FASTKD2: variants seen among roughly 807,000 people sequenced by gnomAD.
The protein encoded by FASTKD2 is FAST kinase domains 2.
FASTKD2 carries 51 observed loss-of-function variants against 63.6 expected under a neutral mutation model. The observed-to-expected ratio is 0.80, with a 90% CI of 0.64 to 1.01. The LOEUF is 1.01. FASTKD2 is among the 50% of genes least tolerant of loss of function. The pLI, the probability that FASTKD2 is intolerant of heterozygous loss-of-function variation, is 0.00. For synonymous variants in FASTKD2, 284 were observed against 293.4 expected, an observed-to-expected ratio of 0.97 and a Z score of 0.33; for missense variants, 786 against 831.1, an observed-to-expected ratio of 0.95 and a Z score of 0.67.
At position 206,774,261 on chromosome 2, in the gene FASTKD2, T is replaced by C; in HGVS notation, c.1291T>C (p.Phe431Leu). The C allele has an allele frequency of 6.2e-7, 1 of 1,612,104 alleles. No homozygotes were observed. The highest frequency in any genetic ancestry group is 8.5e-7 in the Non-Finnish European group (1 of 1,178,700). Reference sequence around the variant, plus strand: ...CCTCATTTTATTTGAAAACCTTGGCTTTCGACCTGTTGGTTTAATGGACCT... The same window carrying C: ...CCTCATTTTATTTGAAAACCTTGGCCTTCGACCTGTTGGTTTAATGGACCT... ...FILILFENLGFRPVGLMDLFM... is the reference protein window; with the variant it reads ...FILILFENLGLRPVGLMDLFM... Residue 431 changes from phenylalanine to leucine, a missense_variant, in exon 7 of 12, where the codon TTT becomes CTT. Coordinates refer to ENST00000402774, the MANE Select transcript of FASTKD2 (RefSeq NM_001136193.2).
chr2:206,766,734 A>G lies in FASTKD2; in HGVS notation c.41A>G (p.Glu14Gly). 1 of 1,614,080 alleles carries G rather than the reference A, an allele frequency of 6.2e-7. No individual in the cohort carries two copies. Among genetic ancestry groups the G allele is most frequent in the South Asian group, 1.1e-5 (1 of 91,064 alleles). The change falls in exon 2 of 12, where the codon GAG becomes GGG. Residue 14 changes from glutamate (E) to glycine (G), a missense_variant. Physicochemically the swap from Glu to Gly is moderately conservative, Grantham distance 98. Transcript: ENST00000402774. ...AAGCCATTTGGAAGTGTTTCAGTGG[A>G]GAGCAAAATGAATAACAAAGCGGGC... The part of the protein sequence containing the change: ...TLKPFGSVSV[E>G]SKMNNKAGSF...
chr2:206,784,360 A>G (rs1470312005), intron 7 of FASTKD2, among the ~76,000 whole-genome samples: 2 of 152,222 alleles, frequency 1.3e-5, no homozygotes, highest in Non-Finnish European at 2.9e-5. Flanking sequence ...GTATTTGGGA[A>G]GAGAGTTGAC....
intron 7 of FASTKD2, among the ~76,000 whole-genome samples, chr2:206,781,302 T>C (rs1022685852): frequency 2.3e-5 from 3 of 132,872 alleles, no homozygotes; most frequent in African/African-American, 8.5e-5. Flanking sequence ...ACTTTTTCTA[T>C]GATTTTTTTT....
At position 206,788,051 on chromosome 2, in the gene FASTKD2, C is replaced by T. The variant is rs769769914; in HGVS notation, c.1709C>T (p.Pro570Leu). Residue 570 changes from proline (P) to leucine (L), a missense_variant, in exon 9 of 12, where the codon CCA becomes CTA. By Grantham distance (98) the Pro-to-Leu change is moderately conservative. Coordinates refer to ENST00000402774, the MANE Select transcript of FASTKD2 (RefSeq NM_001136193.2). ...LSLPQLPREL[P>L]SSHTNAKVAE... Reference sequence around the variant, plus strand: ...CTCCCACAGCTGCCGCGGGAGCTGCCATCGTCACATACAAATGCAAAGGTG... The same window carrying T: ...CTCCCACAGCTGCCGCGGGAGCTGCTATCGTCACATACAAATGCAAAGGTG... 6.2e-7 allele frequency: 1 copy of T among 1,613,486 alleles called. No homozygotes were observed. The highest frequency in any genetic ancestry group is 1.1e-5 in the South Asian group (1 of 91,062).
intron 7 of FASTKD2, among the ~76,000 whole-genome samples, chr2:206,781,304 A>ATTTTTT: frequency 1.3e-5 from 1 of 75,938 alleles, no homozygotes; most frequent in Non-Finnish European, 2.6e-5. Context: ...TTTTTCTATG[A>ATTTTTT]TTTTTTTTTT....
intron 7 of FASTKD2, among the ~76,000 whole-genome samples, chr2:206,778,664 A>G (rs1349055133): frequency 2.0e-5 from 3 of 151,736 alleles, no homozygotes; most frequent in Admixed American, 6.6e-5. Context: ...TATCCATTTC[A>G]TCTGTAGCAG....
rs1353443910 is a variant in FASTKD2, at chr2:206,774,802, CTT to C, written c.1427+407_1427+408del. Reference sequence around the variant, plus strand: ...AAAGTGTGCAGTACAATATTGCTGACTTTATTATTAATGATATAGTTAACAAT... The same window carrying C: ...AAAGTGTGCAGTACAATATTGCTGACTATTATTAATGATATAGTTAACAAT... On this transcript the variant is annotated intron_variant, in intron 7 of 11. Transcript: ENST00000402774. Among the ~76,000 whole-genome samples the C allele has an allele frequency of 2.6e-5, 4 of 152,114 alleles. No individual in the cohort carries two copies. In the East Asian group the frequency reaches 7.7e-4, roughly 29 times the overall value.
At chr2:206,775,541 A>C (rs979908584) in intron 7 of FASTKD2, among the ~76,000 whole-genome samples, 1 of 151,764 alleles carries the variant, frequency 6.6e-6, no homozygotes, top group Non-Finnish European at 1.5e-5. Flanking sequence ...ATCAATCTTC[A>C]TCAGAGATAC....
chr2:206,771,801 G>A, intron 4 of FASTKD2, 93 bp from the exon 5 acceptor site: 1 of 1,039,498 alleles, frequency 9.6e-7, no homozygotes, highest in Non-Finnish European at 1.4e-6. Flanking sequence ...CTCCAACCTG[G>A]GTGACAGCAC....
Position 206,788,855 on chromosome 2 carries a change from T to G in FASTKD2, c.1850T>G (p.Val617Gly), listed in dbSNP as rs1298434352. 6.3e-7 allele frequency: 1 copy of G among 1,588,742 alleles called. No homozygotes were observed. Among genetic ancestry groups the G allele is most frequent in the Non-Finnish European group, 8.6e-7 (1 of 1,157,300 alleles). ...EIRMDTNRNQVLPLSDVDTTS... is the reference protein window; with the variant it reads ...EIRMDTNRNQGLPLSDVDTTS... ...AGAATGGACACTAACAGGAATCAAG[T>G]GCTACCACTTTCTGATGTGGATACA... The change falls in exon 10 of 12, where the codon GTG becomes GGG. Residue 617 changes from valine to glycine, a missense_variant. By Grantham distance (109) the Val-to-Gly change is moderately radical (BLOSUM62 -3). Transcript: ENST00000402774.
At chr2:206,790,548 T>G in intron 10 of FASTKD2, 24 bp from the exon 11 acceptor site, 1 of 1,332,138 alleles carries the variant, frequency 7.5e-7, no homozygotes, top group Non-Finnish European at 1.1e-6. Flanking sequence ...TAACTGTTCT[T>G]GTTTTGTTTA....
At chr2:206,780,738 G>C (rs556275612) in intron 7 of FASTKD2, among the ~76,000 whole-genome samples, 1 of 152,140 alleles carries the variant, frequency 6.6e-6, no homozygotes, top group South Asian at 2.1e-4. Context: ...CACCCATAAT[G>C]CACACATTGG....
Position 206,772,323 on chromosome 2 carries a change from G to T in FASTKD2, c.1254+3G>T. ...TCGACATCTGGAAGTTCAGAAAAGTGAGTACATTAACAATTTAGAATAAGC... is the reference window on the plus strand; with the variant it reads ...TCGACATCTGGAAGTTCAGAAAAGTTAGTACATTAACAATTTAGAATAAGC... On this transcript the variant is annotated splice_donor_region_variant and intron_variant, in intron 6 of 11. Transcript: ENST00000402774. The T allele has an allele frequency of 6.2e-7, 1 of 1,613,576 alleles. No individual in the cohort carries two copies. The highest frequency in any genetic ancestry group is 1.3e-5 in the African/African-American group (1 of 75,042).
In FASTKD2 at chr2:206,766,746, A is replaced by G. The variant is rs143223304; in HGVS notation, c.53A>G (p.Asn18Ser). ...AGTGTTTCAGTGGAGAGCAAAATGA[A>G]TAACAAAGCGGGCTCCTTTTTCTGG... ...FGSVSVESKMNNKAGSFFWNL... is the reference protein window; with the variant it reads ...FGSVSVESKMSNKAGSFFWNL... The change falls in exon 2 of 12, where the codon AAT becomes AGT. Residue 18 changes from asparagine to serine, a missense_variant. By Grantham distance (46) the Asn-to-Ser change is conservative. Coordinates refer to ENST00000402774, the MANE Select transcript of FASTKD2 (RefSeq NM_001136193.2). 8.1e-5 allele frequency: 130 copies of G among 1,614,096 alleles called. 1 individual carries two copies. The South Asian group carries it at 1.3e-3, about 17-fold the overall frequency.
chr2:206,788,704 C>G, intron 9 of FASTKD2, 115 bp from the exon 10 acceptor site: 2 of 652,046 alleles, frequency 3.1e-6, no homozygotes, highest in Non-Finnish European at 5.4e-6. Flanking sequence ...TGCACTCCAG[C>G]CTGGATGACA....
At chr2:206,781,332 G>C (rs978580960) in intron 7 of FASTKD2, among the ~76,000 whole-genome samples, 111 of 15,728 alleles carry the variant, frequency 7.1e-3, no homozygotes, top group African/African-American at 0.017. Flanking sequence ...TTTTTTTTTT[G>C]AGACAGAGTT....
chr2:206,771,299 A>G lies in FASTKD2; in HGVS notation c.990+9A>G, dbSNP rs764049350. 12 of 1,497,202 alleles carry G rather than the reference A, an allele frequency of 8.0e-6. No individual in the cohort carries two copies. The South Asian group carries it at 1.2e-4, about 15-fold the overall frequency. 92.7% of individuals were successfully genotyped at this position (1,497,202 alleles called of 1,614,324 possible). A position where few individuals can be genotyped will look rare whatever the true frequency, so the allele number is the denominator to read the frequency against. On this transcript the variant is annotated intron_variant, in intron 4 of 11. Transcript: ENST00000402774. ...TTAAGAGGAAACTGGAGGTAAACAC[A>G]TGAATTTTCTCTAGTGGATGAGATT...
chr2:206,774,173 A>T, intron 6 of FASTKD2, 52 bp from the exon 7 acceptor site: 1 of 1,288,990 alleles, frequency 7.8e-7, no homozygotes, highest in South Asian at 1.2e-5. Context: ...AAAAATTACT[A>T]TTAGCATACT....
intron 7 of FASTKD2, among the ~76,000 whole-genome samples, chr2:206,782,285 C>G (rs1430228593): frequency 6.6e-6 from 1 of 152,196 alleles, no homozygotes; most frequent in Non-Finnish European, 1.5e-5. Flanking sequence ...TTCTTCTTGC[C>G]TGTTTCAGTG....
Sources: allele counts gnomAD v4.1 joint callset (sites outside exome capture counted in the v4.1 genomes callset), GRCh38; gene constraint gnomAD v4.1.1; transcripts MANE v1.5; gene names NCBI Gene and HGNC (gene_info 2026-07-23, HGNC 2026-07-21).